TMEM151A: variants seen among roughly 807,000 people sequenced by gnomAD.
TMEM151A encodes transmembrane protein 151A.
A neutral mutation model predicts 33.7 loss-of-function variants in TMEM151A; 21 were observed. That is an observed-to-expected ratio of 0.62 (90% confidence interval 0.44 to 0.90). The LOEUF (loss-of-function observed/expected upper bound fraction) is 0.90, where lower values mean the gene tolerates loss of function less well. TMEM151A is among the 40% of genes least tolerant of loss of function. The probability of loss-of-function intolerance (pLI) is 0.00; values close to 1 mark genes in which losing one functional copy is unlikely to be tolerated. For synonymous variants in TMEM151A, 374 were observed against 330.3 expected (o/e 1.13, Z -1.43); for missense variants, 704 against 697.7 (o/e 1.01, Z -0.10).
chr11:66,292,037 C>T lies in TMEM151A; in HGVS notation c.24C>T (p.Asp8=), dbSNP rs1857460606. MPEDGAG[D]GGEVPALIPD... The stretch of plus-strand genomic sequence containing the variant: ...CCATGCCCGAGGACGGCGCTGGCGA[C>T]GGCGGGGAGGTGCCCGCGCTCATCC... The change falls in exon 1 of 2, where the codon GAC becomes GAT. Residue 8 remains aspartate, a synonymous_variant. Transcript: ENST00000327259. The surrounding 1 kb of genome is among the most constrained non-coding windows in gnomAD (Gnocchi z 4.7). 4.0e-6 allele frequency: 6 copies of T among 1,500,338 alleles called. No individual in the cohort carries two copies. Among genetic ancestry groups the T allele is most frequent in the Admixed American group, 4.2e-5 (2 of 47,588 alleles). The allele number at this position is 1,500,338 out of a possible 1,614,324, so 92.9% of individuals were successfully genotyped here. A position where few individuals can be genotyped will look rare whatever the true frequency, so the allele number is the denominator to read the frequency against.
Position 66,295,763 on chromosome 11 carries a change from A to G in TMEM151A, c.*110A>G. 9 of 742,504 alleles carry G rather than the reference A, an allele frequency of 1.2e-5. No individual in the cohort carries two copies. The highest frequency in any genetic ancestry group is 5.1e-5 in the East Asian group (1 of 19,424). 46.0% of individuals were successfully genotyped at this position (742,504 alleles called of 1,614,324 possible). ...CGGGAAAACAGACCAGCCACACACA[A>G]GGGGCAGGGGTGAGGGTGGGGGTGG... On this transcript the variant is annotated 3_prime_UTR_variant, in exon 2 of 2. Transcript: ENST00000327259.
chr11:66,295,893 A>T lies in TMEM151A; in HGVS notation c.*240A>T, dbSNP rs538448440. The T allele has an allele frequency of 4.8e-4, 189 of 397,060 alleles. No homozygotes were observed. The highest frequency in any genetic ancestry group is 6.8e-4 in the Non-Finnish European group (154 of 225,320). The allele number at this position is 397,060 out of a possible 1,614,324, so 24.6% of individuals were successfully genotyped here. A position where few individuals can be genotyped will look rare whatever the true frequency, so the allele number is the denominator to read the frequency against. On this transcript the variant is annotated 3_prime_UTR_variant, in exon 2 of 2. Transcript: ENST00000327259. Reference sequence around the variant, plus strand: ...GCTTCATCCCCCAAGATGGCCGATGATCTGGCCTGAAGGCCTCTCACAAAG... The same window carrying T: ...GCTTCATCCCCCAAGATGGCCGATGTTCTGGCCTGAAGGCCTCTCACAAAG...
Position 66,291,998 on chromosome 11 carries a change from A to G in TMEM151A, c.-16A>G. 1 of 1,500,204 alleles carries G rather than the reference A, an allele frequency of 6.7e-7. No homozygotes were observed. Among genetic ancestry groups the G allele is most frequent in the Non-Finnish European group, 8.8e-7 (1 of 1,130,940 alleles). The allele number at this position is 1,500,204 out of a possible 1,614,324, so 92.9% of individuals were successfully genotyped here. A position where few individuals can be genotyped will look rare whatever the true frequency, so the allele number is the denominator to read the frequency against. On this transcript the variant is annotated 5_prime_UTR_variant, in exon 1 of 2. Transcript: ENST00000327259. ...CCCGGTGCCCAGGCTGGGGCCGCCCAAGCAGCCAGGACACCATGCCCGAGG... is the reference window on the plus strand; with the variant it reads ...CCCGGTGCCCAGGCTGGGGCCGCCCGAGCAGCCAGGACACCATGCCCGAGG...
In TMEM151A at chr11:66,294,467, C is replaced by T. The variant is rs1417011573; in HGVS notation, c.221C>T (p.Pro74Leu). 6.2e-7 allele frequency: 1 copy of T among 1,606,744 alleles called. No homozygotes were observed. Among genetic ancestry groups the T allele is most frequent in the Admixed American group, 1.7e-5 (1 of 59,198 alleles). ...LATVPRLVLGPEAALARGAGG... is the reference protein window; with the variant it reads ...LATVPRLVLGLEAALARGAGG... ...ACAGTGCCGCGGCTGGTCCTGGGGC[C>T]CGAGGCCGCCTTGGCCCGGGGAGCC... is the stretch of plus-strand genomic sequence containing the variant. The change falls in exon 2 of 2, where the codon CCC becomes CTC. Residue 74 changes from proline to leucine, a missense_variant. Physicochemically the swap from Pro to Leu is moderately conservative, Grantham distance 98 (BLOSUM62 -3). This residue lies in a region of TMEM151A where 301 missense variants were observed against 323.4 expected (regional missense o/e 0.93). Coordinates refer to ENST00000327259, the MANE Select transcript of TMEM151A (RefSeq NM_153266.4).
chr11:66,293,676 G>A (rs377037674), intron 1 of TMEM151A, among the ~76,000 whole-genome samples: 53 of 152,332 alleles, frequency 3.5e-4, no homozygotes, highest in African/African-American at 1.1e-3. Context: ...GGGAGTCTCA[G>A]GGTAATGGTG....
In TMEM151A at chr11:66,295,378, C is replaced by T. The variant is rs1207155259; in HGVS notation, c.1132C>T (p.Gln378Ter). 6.4e-7 allele frequency: 1 copy of T among 1,558,394 alleles called. No individual in the cohort carries two copies. Among genetic ancestry groups the T allele is most frequent in the East Asian group, 2.4e-5 (1 of 41,342 alleles). The change falls in exon 2 of 2, where the codon CAG (glutamine) becomes TAG (stop). Residue 378 changes from glutamine (Q) to a stop codon, truncating the protein, a stop_gained. Transcript: ENST00000327259. LOFTEE classifies it high-confidence loss of function. ...CTCGGGCGCCTACCTCAGAGGCTGC[C>T]AGCGCTGCCGCCGCTCTGTCAGCAG... ...AGSGAYLRGC[Q>*]RCRRSVSSNS...
chr11:66,294,545 A>G lies in TMEM151A; in HGVS notation c.299A>G (p.Tyr100Cys), dbSNP rs1857489769. 1 of 1,612,712 alleles carries G rather than the reference A, an allele frequency of 6.2e-7. No individual in the cohort carries two copies. Among genetic ancestry groups the G allele is most frequent in the Admixed American group, 1.7e-5 (1 of 59,934 alleles). ...PASPCSDGYL[Y>C]IPLAFVSLLY... is the part of the protein sequence containing the mutation. Reference sequence around the variant, plus strand: ...AGCCCCTGCTCCGATGGCTACCTGTACATCCCGCTGGCCTTCGTCTCCCTC... The same window carrying G: ...AGCCCCTGCTCCGATGGCTACCTGTGCATCCCGCTGGCCTTCGTCTCCCTC... Residue 100 changes from tyrosine (Y) to cysteine (C), a missense_variant, in exon 2 of 2, where the codon TAC (tyrosine) becomes TGC (cysteine). By Grantham distance (194) the Tyr-to-Cys change is radical (BLOSUM62 -2). Coordinates refer to ENST00000327259, the MANE Select transcript of TMEM151A (RefSeq NM_153266.4).
Position 66,295,362 on chromosome 11 carries a change from C to T in TMEM151A, c.1116C>T (p.Ala372=), listed in dbSNP as rs1259878750. The change falls in exon 2 of 2, where the codon GCC becomes GCT. Residue 372 remains alanine (A), a synonymous_variant. Transcript: ENST00000327259. ...EAVVMGAGSG[A]YLRGCQRCRR... is the part of the protein sequence containing the mutation. Reference sequence around the variant, plus strand: ...TGGTCATGGGCGCGGGCTCGGGCGCCTACCTCAGAGGCTGCCAGCGCTGCC... The same window carrying T: ...TGGTCATGGGCGCGGGCTCGGGCGCTTACCTCAGAGGCTGCCAGCGCTGCC... 6.3e-7 allele frequency: 1 copy of T among 1,574,842 alleles called. No individual in the cohort carries two copies. Among genetic ancestry groups the T allele is most frequent in the Non-Finnish European group, 8.6e-7 (1 of 1,163,048 alleles).
Position 66,295,247 on chromosome 11 carries a change from C to T in TMEM151A, c.1001C>T (p.Pro334Leu), listed in dbSNP as rs200446564. ...CCGGGGGCCGTGCCCAGCGGGCCCC[C>T]GCTGTCCCGCGTGGCCACAGTGGAC... Reference protein sequence around the residue: ...PPPGAVPSGPPLSRVATVDFT... With the variant: ...PPPGAVPSGPLLSRVATVDFT... The change falls in exon 2 of 2, where the codon CCG (proline) becomes CTG (leucine). Residue 334 changes from proline to leucine, a missense_variant. By Grantham distance (98) the Pro-to-Leu change is moderately conservative. Coordinates refer to ENST00000327259, the MANE Select transcript of TMEM151A (RefSeq NM_153266.4). 1.9e-6 allele frequency: 3 copies of T among 1,559,992 alleles called. No individual in the cohort carries two copies. The highest frequency in any genetic ancestry group is 2.6e-6 in the Non-Finnish European group (3 of 1,153,084).
At chr11:66,293,067 G>T (rs3814738) in intron 1 of TMEM151A, among the ~76,000 whole-genome samples, 27,455 of 152,046 alleles carry the variant, frequency 0.18, 2,539 homozygotes, top group East Asian at 0.26. Context: ...TGTGCCCTGG[G>T]GACAGGCGAG....
Position 66,295,662 on chromosome 11 carries a change from A to C in TMEM151A, c.*9A>C. On this transcript the variant is annotated 3_prime_UTR_variant, in exon 2 of 2. Transcript: ENST00000327259. ...GGCAGGGTGCTCTCTGAGACCCCCC[A>C]CGGCCCCCAGAGTGGCCCCCTCCCC... The C allele has an allele frequency of 6.8e-7, 1 of 1,474,730 alleles. No homozygotes were observed. Among genetic ancestry groups the C allele is most frequent in the Non-Finnish European group, 9.0e-7 (1 of 1,114,138 alleles). The allele number at this position is 1,474,730 out of a possible 1,614,324, so 91.4% of individuals were successfully genotyped here. A position where few individuals can be genotyped will look rare whatever the true frequency, so the allele number is the denominator to read the frequency against.
chr11:66,293,995 A>G (rs753337638), intron 1 of TMEM151A, among the ~76,000 whole-genome samples: 2 of 152,228 alleles, frequency 1.3e-5, no homozygotes, highest in African/African-American at 4.8e-5. Context: ...CAGAGCCAGG[A>G]CCAGAACCCA....
At position 66,292,461 on chromosome 11, in the gene TMEM151A, A is replaced by C. The variant is rs1465407912; in HGVS notation, c.75+373A>C. On this transcript the variant is annotated intron_variant, in intron 1 of 1. Transcript: ENST00000327259. The surrounding 1 kb of genome is among the most constrained non-coding windows in gnomAD (Gnocchi z 4.7). ...CCAGCCGCTCACGAGGTGTCCGGGC[A>C]GCGCCTGCAATGCAGCAGCAGTCGC... Among the ~76,000 whole-genome samples the C allele has an allele frequency of 6.6e-6, 1 of 152,154 alleles. No individual in the cohort carries two copies. Among genetic ancestry groups the C allele is most frequent in the Non-Finnish European group, 1.5e-5 (1 of 68,020 alleles).
rs376737872 is a variant in TMEM151A, at chr11:66,294,951, C to T, written c.705C>T (p.Tyr235=). The part of the protein sequence containing the change: ...SFGSAEAEAS[Y]LTQRARFFSA... ...GCAGCGCGGAGGCCGAGGCCTCGTA[C>T]CTCACGCAGCGGGCGCGCTTCTTCA... Residue 235 remains tyrosine, a synonymous_variant, in exon 2 of 2, where the codon TAC becomes TAT. Coordinates refer to ENST00000327259, the MANE Select transcript of TMEM151A (RefSeq NM_153266.4). 6.4e-7 allele frequency: 1 copy of T among 1,560,940 alleles called. No homozygotes were observed. The highest frequency in any genetic ancestry group is 8.6e-7 in the Non-Finnish European group (1 of 1,160,306).
Position 66,292,145 on chromosome 11 carries a change from C to G in TMEM151A, c.75+57C>G. 7.5e-7 allele frequency: 1 copy of G among 1,331,636 alleles called. No homozygotes were observed. The highest frequency in any genetic ancestry group is 3.1e-5 in the East Asian group (1 of 32,408). 82.5% of individuals were successfully genotyped at this position (1,331,636 alleles called of 1,614,324 possible). A position where few individuals can be genotyped will look rare whatever the true frequency, so the allele number is the denominator to read the frequency against. The stretch of plus-strand genomic sequence containing the variant: ...TGGGGCGGCGTGAGAGGGACCAGTG[C>G]AAAAGGCGACCCCAAGAGAGGGGCT... On this transcript the variant is annotated intron_variant, in intron 1 of 1. Coordinates refer to ENST00000327259, the MANE Select transcript of TMEM151A (RefSeq NM_153266.4). The surrounding 1 kb of genome is among the most constrained non-coding windows in gnomAD (Gnocchi z 4.7).
Position 66,295,383 on chromosome 11 carries a change from C to A in TMEM151A, c.1137C>A (p.Arg379=). 1 of 1,550,706 alleles carries A rather than the reference C, an allele frequency of 6.4e-7. No homozygotes were observed. Among genetic ancestry groups the A allele is most frequent in the Admixed American group, 1.9e-5 (1 of 51,452 alleles). ...GSGAYLRGCQ[R]CRRSVSSNSL... ...GCGCCTACCTCAGAGGCTGCCAGCGCTGCCGCCGCTCTGTCAGCAGCAACT... is the reference window on the plus strand; with the variant it reads ...GCGCCTACCTCAGAGGCTGCCAGCGATGCCGCCGCTCTGTCAGCAGCAACT... The change falls in exon 2 of 2, where the codon CGC becomes CGA. Residue 379 remains arginine, a synonymous_variant. Coordinates refer to ENST00000327259, the MANE Select transcript of TMEM151A (RefSeq NM_153266.4).
At position 66,292,165 on chromosome 11, in the gene TMEM151A, G is replaced by T. The variant is rs1197347852; in HGVS notation, c.75+77G>T. Reference sequence around the variant, plus strand: ...CAGTGCAAAAGGCGACCCCAAGAGAGGGGCTGAGGAGGGAAGTCCCAGAGC... The same window carrying T: ...CAGTGCAAAAGGCGACCCCAAGAGATGGGCTGAGGAGGGAAGTCCCAGAGC... On this transcript the variant is annotated intron_variant, in intron 1 of 1. Coordinates refer to ENST00000327259, the MANE Select transcript of TMEM151A (RefSeq NM_153266.4). The surrounding 1 kb of genome is among the most constrained non-coding windows in gnomAD (Gnocchi z 4.7). 7 of 1,240,628 alleles carry T rather than the reference G, an allele frequency of 5.6e-6. No homozygotes were observed. The Admixed American group carries it at 2.4e-4, about 42-fold the overall frequency. The allele number at this position is 1,240,628 out of a possible 1,614,324, so 76.9% of individuals were successfully genotyped here.
chr11:66,294,623 A>G lies in TMEM151A; in HGVS notation c.377A>G (p.Gln126Arg). 6.2e-7 allele frequency: 1 copy of G among 1,611,900 alleles called. No individual in the cohort carries two copies. The highest frequency in any genetic ancestry group is 8.5e-7 in the Non-Finnish European group (1 of 1,179,232). ...TGGCACTGTCACGTGCGGTCCTGCCAGGCGCCACGCACCGACGCCCACACG... is the reference window on the plus strand; with the variant it reads ...TGGCACTGTCACGTGCGGTCCTGCCGGGCGCCACGCACCGACGCCCACACG... Reference protein sequence around the residue: ...ECWHCHVRSCQAPRTDAHTVL... With the variant: ...ECWHCHVRSCRAPRTDAHTVL... Residue 126 changes from glutamine to arginine, a missense_variant, in exon 2 of 2, where the codon CAG (glutamine) becomes CGG (arginine). Physicochemically the swap from Gln to Arg is conservative, Grantham distance 43 (BLOSUM62 1). Coordinates refer to ENST00000327259, the MANE Select transcript of TMEM151A (RefSeq NM_153266.4).
Position 66,294,652 on chromosome 11 carries a change from C to T in TMEM151A, c.406C>T (p.Leu136=). The T allele has an allele frequency of 6.2e-7, 1 of 1,606,084 alleles. No homozygotes were observed. Among genetic ancestry groups the T allele is most frequent in the Non-Finnish European group, 8.5e-7 (1 of 1,176,788 alleles). ...QAPRTDAHTV[L]ALIRRLQQAP... ...GCCACGCACCGACGCCCACACGGTGCTGGCGCTGATCCGCCGGCTGCAGCA... is the reference window on the plus strand; with the variant it reads ...GCCACGCACCGACGCCCACACGGTGTTGGCGCTGATCCGCCGGCTGCAGCA... Residue 136 remains leucine (L), a synonymous_variant, in exon 2 of 2, where the codon CTG becomes TTG. Transcript: ENST00000327259.
Sources: gnomAD v4.1 joint callset for allele counts (sites outside exome capture counted in the v4.1 genomes callset) on GRCh38, gnomAD v4.1.1 for gene constraint, gnomAD v4.1.1 regional missense constraint, Gnocchi (gnomAD v3.1) non-coding constraint, MANE v1.5 for transcripts, NCBI Gene and HGNC (gene_info 2026-07-23, HGNC 2026-07-21) for gene names.